The following GRK6 variants were observed in gnomAD, a reference collection of about 807,000 sequenced individuals.
GRK6 encodes G protein-coupled receptor kinase 6.
A neutral mutation model predicts 80.8 loss-of-function variants in GRK6; 37 were observed. The ratio of observed to expected loss-of-function variants is 0.46; its 90% CI spans 0.35 to 0.60. The LOEUF is 0.60. Among genes scored for constraint, GRK6 ranks in the 20% least tolerant of loss-of-function variants. The probability of loss-of-function intolerance (pLI) is 0.00; values close to 1 mark genes in which losing one functional copy is unlikely to be tolerated. For missense variants in GRK6, 560 were observed against 784.6 expected (o/e 0.71, Z 3.42); for synonymous variants, 295 against 320.9 (o/e 0.92, Z 0.86).
At chr5:177,434,160 C>A (rs1581680985) in intron 9 of GRK6, 56 bp downstream of exon 9, 1 of 1,466,446 alleles carries the variant, frequency 6.8e-7, no homozygotes, top group Non-Finnish European at 9.1e-7. Flanking sequence ...GCGACTGCAG[C>A]TGGGCCTGGA....
rs563614690 is a variant in GRK6 at position 177,436,723 on chromosome 5, G to T, written c.1404+193G>T. 36 of 595,644 alleles carry T rather than the reference G, an allele frequency of 6.0e-5. No homozygotes were observed. The East Asian group carries it at 1.0e-3, about 17-fold the overall frequency. The allele number at this position is 595,644 out of a possible 1,614,324, so 36.9% of individuals were successfully genotyped here. On this transcript the variant is annotated intron_variant, in intron 13 of 15. Coordinates refer to ENST00000355472, the MANE Select transcript of GRK6 (RefSeq NM_001004106.3). The stretch of plus-strand genomic sequence containing the variant: ...GTCTGGCTTGTGGCATGCCTGGATG[G>T]GGCTTGGAGCCTCTGACAATGTCCT...
intron 13 of GRK6, 120 bp downstream of exon 13, chr5:177,436,650 A>T: frequency 1.0e-6 from 1 of 958,104 alleles, no homozygotes; most frequent in Non-Finnish European, 1.5e-6. Context: ...CTAGTGGCTT[A>T]GCCACAGAAA....
chr5:177,426,832 C>G lies in GRK6; in HGVS notation c.-14C>G, dbSNP rs1333567822. 3.2e-6 allele frequency: 4 copies of G among 1,239,786 alleles called. No individual in the cohort carries two copies. Among genetic ancestry groups the G allele is most frequent in the Non-Finnish European group, 4.0e-6 (4 of 989,068 alleles). 76.8% of individuals were successfully genotyped at this position (1,239,786 alleles called of 1,614,324 possible). A position where few individuals can be genotyped will look rare whatever the true frequency, so the allele number is the denominator to read the frequency against. ...CGGCGGCGCGGCCCGGCGGGCCAGG[C>G]GGCGCCACAGCCCATGGAGCTCGAG... On this transcript the variant is annotated 5_prime_UTR_variant, in exon 1 of 16. Transcript: ENST00000355472.
rs2127368028 is a variant in GRK6, at chr5:177,426,831, G to T, written c.-15G>T. On this transcript the variant is annotated 5_prime_UTR_variant, in exon 1 of 16. Transcript: ENST00000355472. ...CCGGCGGCGCGGCCCGGCGGGCCAG[G>T]CGGCGCCACAGCCCATGGAGCTCGA... 4 of 1,239,646 alleles carry T rather than the reference G, an allele frequency of 3.2e-6. No individual in the cohort carries two copies. In the East Asian group the frequency reaches 1.3e-4, roughly 40 times the overall value. The allele number at this position is 1,239,646 out of a possible 1,614,324, so 76.8% of individuals were successfully genotyped here. A position where few individuals can be genotyped will look rare whatever the true frequency, so the allele number is the denominator to read the frequency against.
Position 177,426,916 on chromosome 5 carries a change from C to T in GRK6, c.52+19C>T. The T allele has an allele frequency of 3.0e-6, 4 of 1,351,276 alleles. No homozygotes were observed. Among genetic ancestry groups the T allele is most frequent in the East Asian group, 2.9e-5 (1 of 34,894 alleles). 83.7% of individuals were successfully genotyped at this position (1,351,276 alleles called of 1,614,324 possible). A position where few individuals can be genotyped will look rare whatever the true frequency, so the allele number is the denominator to read the frequency against. The stretch of plus-strand genomic sequence containing the variant: ...CGGGAAGGTGAGGCGGCCGGGTGGG[C>T]GGCCGGGCCCGGGTGCGTGGAGCGC... On this transcript the variant is annotated intron_variant, in intron 1 of 15. Coordinates refer to ENST00000355472, the MANE Select transcript of GRK6 (RefSeq NM_001004106.3).
In GRK6 at chr5:177,436,403, A is replaced by G. The variant is rs1192525477; in HGVS notation, c.1277A>G (p.Lys426Arg). 1 of 1,612,120 alleles carries G rather than the reference A, an allele frequency of 6.2e-7. No individual in the cohort carries two copies. The highest frequency in any genetic ancestry group is 8.5e-7 in the Non-Finnish European group (1 of 1,179,414). The change falls in exon 13 of 16, where the codon AAG (lysine) becomes AGG (arginine). Residue 426 changes from lysine (K) to arginine (R), a missense_variant. Lys to Arg is a conservative substitution (Grantham distance 26). Around this residue, in one of 3 missense-constraint regions of GRK6, gnomAD observed 294 missense variants for 397.4 expected, o/e 0.74. Coordinates refer to ENST00000355472, the MANE Select transcript of GRK6 (RefSeq NM_001004106.3). ...TCACCCCTGCCACAGCTCCTCTGCA[A>G]GGACCCTGCCGAACGCCTGGGGTGT... ...ARSLCSQLLC[K>R]DPAERLGCRG... is the part of the protein sequence containing the mutation.
chr5:177,432,760 C>T lies in GRK6; in HGVS notation c.394C>T (p.Arg132Trp), dbSNP rs1472581488. Residue 132 changes from arginine to tryptophan, a missense_variant, in exon 5 of 16, where the codon CGG becomes TGG. Coordinates refer to ENST00000355472, the MANE Select transcript of GRK6 (RefSeq NM_001004106.3). ...GCAGCTGGTGACGAACTGCACCCAG[C>T]GGCTGGAGCAGGGTCCCTGCAAAGA... is the stretch of plus-strand genomic sequence containing the variant. ...PRQLVTNCTQ[R>W]LEQGPCKDLF... 7 of 1,612,252 alleles carry T rather than the reference C, an allele frequency of 4.3e-6. No homozygotes were observed. The highest frequency in any genetic ancestry group is 2.7e-5 in the African/African-American group (2 of 74,924).
intron 8 of GRK6, 45 bp from the exon 9 acceptor site, chr5:177,433,868 GC>G: frequency 6.6e-7 from 1 of 1,514,904 alleles, no homozygotes; most frequent in Non-Finnish European, 8.8e-7. Flanking sequence ...CTGCCGCCAA[GC>G]GCCCCGCAGC....
Position 177,441,822 on chromosome 5 carries a change from C to T in GRK6, c.*32C>T, listed in dbSNP as rs777778593. On this transcript the variant is annotated 3_prime_UTR_variant, in exon 16 of 16. Coordinates refer to ENST00000355472, the MANE Select transcript of GRK6 (RefSeq NM_001004106.3). ...GCCCGAGGCCCCCACCAGCAGTTGGCGGTAGCAGCTACTCCGAGCGCCGTT... is the reference window on the plus strand; with the variant it reads ...GCCCGAGGCCCCCACCAGCAGTTGGTGGTAGCAGCTACTCCGAGCGCCGTT... 2.5e-6 allele frequency: 4 copies of T among 1,596,144 alleles called. No individual in the cohort carries two copies. The highest frequency in any genetic ancestry group is 1.7e-5 in the Admixed American group (1 of 59,818).
At chr5:177,441,310 C>T (rs1764486437) in intron 15 of GRK6, 1 of 1,548,216 alleles carries the variant, frequency 6.5e-7, no homozygotes, top group Non-Finnish European at 8.7e-7. Context: ...CACGGGCAGC[C>T]CTTCCATGGC....
chr5:177,432,854 G>A lies in GRK6; in HGVS notation c.440+48G>A, dbSNP rs142528675. 7.7e-4 allele frequency: 1,064 copies of A among 1,390,390 alleles called. 10 individuals are homozygous for A. In the African/African-American group the frequency reaches 0.014, roughly 18 times the overall value. 86.1% of individuals were successfully genotyped at this position (1,390,390 alleles called of 1,614,324 possible). The stretch of plus-strand genomic sequence containing the variant: ...GCCTGGAATTATGCCCAGCGGAGGG[G>A]GCTTCTGGGGGCCAGGAAGACTGTG... On this transcript the variant is annotated intron_variant, in intron 5 of 15. Transcript: ENST00000355472.
At chr5:177,439,456 C>G (rs1011951397) in intron 13 of GRK6, among the ~76,000 whole-genome samples, 2 of 151,344 alleles carry the variant, frequency 1.3e-5, no homozygotes, top group African/African-American at 4.9e-5. Flanking sequence ...AGGAGAATCG[C>G]TTGAACCTAG....
In GRK6 at chr5:177,426,798, GA is replaced by G; in HGVS notation, c.-47del. 1 of 1,082,908 alleles carries G rather than the reference GA, an allele frequency of 9.2e-7. No individual in the cohort carries two copies. 67.1% of individuals were successfully genotyped at this position (1,082,908 alleles called of 1,614,324 possible). ...CCATCCGGCCTCGGCACTCGCGCGC[GA>G]TCCCGGCCGGCGGCGCGGCCCGGCG... On this transcript the variant is annotated 5_prime_UTR_variant, in exon 1 of 16. Transcript: ENST00000355472.
chr5:177,440,759 C>T lies in GRK6; in HGVS notation c.1464C>T (p.Gly488=), dbSNP rs373564778. 6.2e-6 allele frequency: 10 copies of T among 1,614,072 alleles called. No homozygotes were observed. The highest frequency in any genetic ancestry group is 4.0e-5 in the African/African-American group (3 of 74,936). ...LDIEQFSTVK[G]VELEPTDQDF... ...TTGAACAGTTCTCTACGGTCAAGGG[C>T]GTGGAGCTGGAGCCTACCGACCAGG... The change falls in exon 14 of 16, where the codon GGC becomes GGT. Residue 488 remains glycine, a synonymous_variant. Coordinates refer to ENST00000355472, the MANE Select transcript of GRK6 (RefSeq NM_001004106.3).
In GRK6 at chr5:177,441,770, G is replaced by A; in HGVS notation, c.1711G>A (p.Glu571Lys). Residue 571 changes from glutamate (E) to lysine (K), a missense_variant, in exon 16 of 16, where the codon GAG becomes AAG. Coordinates refer to ENST00000355472, the MANE Select transcript of GRK6 (RefSeq NM_001004106.3). ...CCGNCSDSEE[E>K]LPTRL Reference sequence around the variant, plus strand: ...TGGAAACTGCAGCGACAGCGAGGAAGAGCTCCCCACCCGCCTCTAGCCCCC... The same window carrying A: ...TGGAAACTGCAGCGACAGCGAGGAAAAGCTCCCCACCCGCCTCTAGCCCCC... The A allele has an allele frequency of 6.2e-7, 1 of 1,612,822 alleles. No individual in the cohort carries two copies. The highest frequency in any genetic ancestry group is 8.5e-7 in the Non-Finnish European group (1 of 1,179,494).
At chr5:177,440,597 G>A in intron 13 of GRK6, 103 bp from the exon 14 acceptor site, 1 of 1,379,024 alleles carries the variant, frequency 7.3e-7, no homozygotes, top group Non-Finnish European at 1.0e-6. Flanking sequence ...AGCTGCTGGT[G>A]TCAGGCAGCA....
At chr5:177,440,608 C>T (rs752727220) in intron 13 of GRK6, 92 bp from the exon 14 acceptor site, 431 of 1,504,384 alleles carry the variant, frequency 2.9e-4, no homozygotes, top group Non-Finnish European at 3.8e-4. Flanking sequence ...TCAGGCAGCA[C>T]TAGGCCAAGA....
At chr5:177,437,041 G>A (rs1379286075) in intron 13 of GRK6, among the ~76,000 whole-genome samples, 3 of 151,876 alleles carry the variant, frequency 2.0e-5, no homozygotes, top group Non-Finnish European at 4.4e-5. Flanking sequence ...TGCAACCTCT[G>A]CCTCCCAGGT....
intron 11 of GRK6, 137 bp from the exon 12 acceptor site, chr5:177,435,936 G>A (rs1466061006): frequency 1.4e-6 from 1 of 694,552 alleles, no homozygotes; most frequent in African/African-American, 1.8e-5. Flanking sequence ...TGGGGCCTGT[G>A]CTCTCCTACT....
Sources: allele counts gnomAD v4.1 joint callset (sites outside exome capture counted in the v4.1 genomes callset), GRCh38; gene constraint gnomAD v4.1.1; regional missense constraint gnomAD v4.1.1; transcripts MANE v1.5; gene names NCBI Gene and HGNC (gene_info 2026-07-23, HGNC 2026-07-21).